PBLD: variants seen among roughly 807,000 people sequenced by gnomAD.
The protein encoded by PBLD is phenazine biosynthesis like protein domain containing.
A neutral mutation model predicts 31.3 loss-of-function variants in PBLD; 26 were observed. The observed-to-expected ratio is 0.83, with a 90% CI of 0.61 to 1.15. The LOEUF (loss-of-function observed/expected upper bound fraction) is 1.15. PBLD is among the 50% of genes most tolerant of loss of function. The probability of loss-of-function intolerance (pLI) is 0.00; values close to 1 mark genes in which losing one functional copy is unlikely to be tolerated. For missense variants in PBLD, 307 were observed against 351.7 expected, an observed-to-expected ratio of 0.87 and a Z score of 1.02; for synonymous variants, 114 against 129.0, an observed-to-expected ratio of 0.88 and a Z score of 0.79.
At chr10:68,322,846 C>T (rs1198571524) in intron 1 of PBLD, among the ~76,000 whole-genome samples, 1 of 151,726 alleles carries the variant, frequency 6.6e-6, no homozygotes. Context: ...TTGAGAGGCT[C>T]AAGTGAGCCT....
At chr10:68,286,439 A>G (rs1419135503) in intron 8 of PBLD, among the ~76,000 whole-genome samples, 1 of 152,058 alleles carries the variant, frequency 6.6e-6, no homozygotes, top group African/African-American at 2.4e-5. Context: ...TTCTTCCCAG[A>G]GTGCATATGC....
At chr10:68,330,776 GTTT>G (rs2045045173) in intron 1 of PBLD, among the ~76,000 whole-genome samples, 1 of 151,246 alleles carries the variant, frequency 6.6e-6, no homozygotes, top group Non-Finnish European at 1.5e-5. Context: ...TAGAGACAGG[GTTT>G]CACCGTGTTA....
chr10:68,291,303 G>A (rs574891222), intron 6 of PBLD, among the ~76,000 whole-genome samples: 1 of 152,292 alleles, frequency 6.6e-6, no homozygotes, highest in Non-Finnish European at 1.5e-5. Context: ...ATGTGGCACT[G>A]CACACAGAGA....
intron 1 of PBLD, among the ~76,000 whole-genome samples, chr10:68,315,233 G>C (rs2044721932): frequency 6.6e-6 from 1 of 152,122 alleles, no homozygotes; most frequent in Non-Finnish European, 1.5e-5. Context: ...GCAAATGATA[G>C]GCTAATCAAA....
intron 4 of PBLD, among the ~76,000 whole-genome samples, chr10:68,293,610 T>C (rs1329446208): frequency 1.3e-5 from 2 of 152,216 alleles, no homozygotes; most frequent in Non-Finnish European, 1.5e-5. Context: ...CATTTTTTCA[T>C]ACCTTATCTT....
intron 2 of PBLD, among the ~76,000 whole-genome samples, chr10:68,300,008 A>G (rs1377664037): frequency 6.6e-6 from 1 of 151,996 alleles, no homozygotes; most frequent in African/African-American, 2.4e-5. Context: ...CTCTCATCTC[A>G]GCCTCCTGAG....
In PBLD at chr10:68,288,661, C is replaced by A. The variant is rs752609431; in HGVS notation, c.513G>T (p.Arg171Ser). 6 of 1,613,526 alleles carry A rather than the reference C, an allele frequency of 3.7e-6. No homozygotes were observed. In the South Asian group the frequency reaches 4.4e-5, roughly 12 times the overall value. ...TCACTTTCAGGTTCTCCAGAAACGA[C>A]CTTGTTCATAAACAAGATGGATTAG... is the stretch of plus-strand genomic sequence containing the variant. Reference protein sequence around the residue: ...LLVRLSDVYNRSFLENLKVNT... With the variant: ...LLVRLSDVYNSSFLENLKVNT... The change falls in exon 8 of 10, where the codon AGG (arginine) becomes AGT (serine). Residue 171 changes from arginine to serine, a missense_variant and splice_region_variant. Physicochemically the swap from Arg to Ser is moderately radical, Grantham distance 110 (BLOSUM62 -1). Transcript: ENST00000358769.
At chr10:68,319,072 AAAG>A (rs1397997036) in intron 1 of PBLD, among the ~76,000 whole-genome samples, 5 of 126,464 alleles carry the variant, frequency 4.0e-5, no homozygotes, top group African/African-American at 1.0e-4. Context: ...AGAAAGAAAG[AAAG>A]AAAGAAAGAA....
rs757212310 is a variant in PBLD, at chr10:68,309,805, C to CA, written c.-59-2903dup. On this transcript the variant is annotated intron_variant, in intron 1 of 9. Transcript: ENST00000358769. ...CTGGTGACAGAGAGAGACTCCGTCTCAAAAAAAAAAAAAAAAAGAAAGAAA... is the reference window on the plus strand; with the variant it reads ...CTGGTGACAGAGAGAGACTCCGTCTCAAAAAAAAAAAAAAAAAAGAAAGAAA... Among the ~76,000 whole-genome samples, 954 of 131,910 alleles carry CA rather than the reference C, an allele frequency of 7.2e-3. 34 individuals carry two copies. The highest frequency in any genetic ancestry group is 0.032 in the Admixed American group (395 of 12,186). 86.5% of individuals were successfully genotyped at this position (131,910 alleles called of 152,430 possible).
At position 68,327,298 on chromosome 10, in the gene PBLD, A is replaced by C. The variant is rs376772575; in HGVS notation, c.-60+5486T>G. ...AATGACTTAAAGTGTCCCTGCCCCC[A>C]GTGTGACCATCGTTATTTTTTGCAG... On this transcript the variant is annotated intron_variant, in intron 1 of 9. Transcript: ENST00000358769. Among the ~76,000 whole-genome samples the C allele has an allele frequency of 4.1e-4, 62 of 152,288 alleles. No individual in the cohort carries two copies. In the Middle Eastern group the frequency reaches 0.01, roughly 25 times the overall value.
At chr10:68,307,791 A>G (rs1192371674) in intron 1 of PBLD, among the ~76,000 whole-genome samples, 1 of 152,018 alleles carries the variant, frequency 6.6e-6, no homozygotes, top group Non-Finnish European at 1.5e-5. Flanking sequence ...GAGCCACCGC[A>G]CCCGGCCGCT....
intron 1 of PBLD, among the ~76,000 whole-genome samples, chr10:68,321,173 TTTTC>T (rs1257001476): frequency 6.6e-6 from 1 of 152,158 alleles, no homozygotes; most frequent in African/African-American, 2.4e-5. Flanking sequence ...TCTCTTTTTA[TTTTC>T]TTTCTTTCTT....
chr10:68,285,299 A>T (rs921380246), intron 9 of PBLD, 49 bp downstream of exon 9: 1 of 1,613,864 alleles, frequency 6.2e-7, no homozygotes, highest in African/African-American at 1.3e-5. Flanking sequence ...AAGGAACACT[A>T]GCTTCGAATT....
intron 9 of PBLD, chr10:68,285,055 T>A: frequency 8.0e-7 from 1 of 1,250,882 alleles, no homozygotes; most frequent in Non-Finnish European, 1.0e-6. Context: ...TCTCAACCCA[T>A]CACATTATAA....
In PBLD at chr10:68,317,822, A is replaced by T. The variant is rs371239289; in HGVS notation, c.-59-10919T>A. 7.9e-5 allele frequency among the ~76,000 whole-genome samples: 12 copies of T among 151,848 alleles called. No homozygotes were observed. In the South Asian group the frequency reaches 1.5e-3, roughly 18 times the overall value. ...TCCCATAAAAAACAAACAAACAAAA[A>T]AAATGTAGAGATTTGTTGCACAATG... On this transcript the variant is annotated intron_variant, in intron 1 of 9. Coordinates refer to ENST00000358769, the MANE Select transcript of PBLD (RefSeq NM_022129.4).
intron 2 of PBLD, among the ~76,000 whole-genome samples, chr10:68,301,127 C>G (rs1220667320): frequency 2.0e-5 from 3 of 152,138 alleles, no homozygotes; most frequent in Non-Finnish European, 4.4e-5. Context: ...AACTCCTGAC[C>G]TCAGGTGATC....
At chr10:68,319,097 A>AAGAAAG (rs2044788711) in intron 1 of PBLD, among the ~76,000 whole-genome samples, 1 of 134,898 alleles carries the variant, frequency 7.4e-6, no homozygotes, top group Admixed American at 7.7e-5. Flanking sequence ...GAAAGAAAGA[A>AAGAAAG]AGAAAGAAAG....
intron 1 of PBLD, among the ~76,000 whole-genome samples, chr10:68,313,220 T>C (rs2044694605): frequency 6.6e-6 from 1 of 152,184 alleles, no homozygotes; most frequent in African/African-American, 2.4e-5. Context: ...GGGCCGAGTT[T>C]CTTATATTTT....
chr10:68,292,070 A>G, intron 5 of PBLD, 31 bp from the exon 6 acceptor site: 1 of 1,596,272 alleles, frequency 6.3e-7, no homozygotes, highest in South Asian at 1.1e-5. Flanking sequence ...CAAAATTATT[A>G]TAAAACAGGA....
Sources: allele counts gnomAD v4.1 joint callset (sites outside exome capture counted in the v4.1 genomes callset), GRCh38; gene constraint gnomAD v4.1.1; transcripts MANE v1.5; gene names NCBI Gene and HGNC (gene_info 2026-07-23, HGNC 2026-07-21).